THADA: variants seen among roughly 807,000 people sequenced by gnomAD.
THADA encodes THADA armadillo repeat containing, also known as tRNA (32-2'-O)-methyltransferase regulator THADA.
In THADA, 213 loss-of-function variants were observed where a neutral mutation model predicts 219.8. The ratio of observed to expected loss-of-function variants is 0.97; its 90% CI spans 0.87 to 1.09. The LOEUF (loss-of-function observed/expected upper bound fraction) is 1.09. Ranked by LOEUF, THADA falls within the 50% of genes least tolerant of loss-of-function variation. The probability of loss-of-function intolerance (pLI) is 0.00; values close to 1 mark genes in which losing one functional copy is unlikely to be tolerated. For missense variants in THADA, 2,956 were observed against 2,311.3 expected, an observed-to-expected ratio of 1.28 and a Z score of -5.72; for synonymous variants, 1,018 against 828.9, an observed-to-expected ratio of 1.23 and a Z score of -3.92.
chr2:43,264,127 C>T (rs1435836577), intron 36 of THADA, among the ~76,000 whole-genome samples: 1 of 151,990 alleles, frequency 6.6e-6, no homozygotes, highest in Non-Finnish European at 1.5e-5. Flanking sequence ...GGCACCTTGC[C>T]TATTGGGGAC....
At chr2:43,331,092 A>G (rs767759294) in intron 30 of THADA, among the ~76,000 whole-genome samples, 8 of 152,176 alleles carry the variant, frequency 5.3e-5, no homozygotes, top group Non-Finnish European at 1.0e-4. Context: ...CCCCCACCCC[A>G]GTTTAGACCA....
At chr2:43,264,848 C>T (rs929595111) in intron 36 of THADA, among the ~76,000 whole-genome samples, 4 of 152,172 alleles carry the variant, frequency 2.6e-5, no homozygotes, top group African/African-American at 7.2e-5. Context: ...TCTACAGTAC[C>T]GTGAACATGA....
At chr2:43,413,729 T>A (rs967725781) in intron 28 of THADA, among the ~76,000 whole-genome samples, 3 of 152,208 alleles carry the variant, frequency 2.0e-5, no homozygotes, top group Non-Finnish European at 4.4e-5. Context: ...TATGTTTGTA[T>A]GATGGTGACA....
rs549958601 is a variant in THADA at position 43,336,132 on chromosome 2, C to T, written c.4343+7990G>A. On this transcript the variant is annotated intron_variant, in intron 30 of 37. Coordinates refer to ENST00000405975, the MANE Select transcript of THADA (RefSeq NM_022065.5). ...AAAGTTAGCCAGGTCCAGTGGCACACACCTATAGTCTCAGTTACTTGGGAG... is the reference window on the plus strand; with the variant it reads ...AAAGTTAGCCAGGTCCAGTGGCACATACCTATAGTCTCAGTTACTTGGGAG... 1.6e-3 allele frequency among the ~76,000 whole-genome samples: 242 copies of T among 151,950 alleles called. 1 individual carries two copies. Among genetic ancestry groups the T allele is most frequent in the African/African-American group, 5.6e-3 (231 of 41,460 alleles).
intron 31 of THADA, among the ~76,000 whole-genome samples, chr2:43,301,936 A>G (rs1558547177): frequency 6.6e-6 from 1 of 152,186 alleles, no homozygotes; most frequent in South Asian, 2.1e-4. Flanking sequence ...TTTCATTTCT[A>G]TGAGTGCCCT....
At chr2:43,412,410 A>G (rs1676417002) in intron 28 of THADA, among the ~76,000 whole-genome samples, 1 of 152,206 alleles carries the variant, frequency 6.6e-6, no homozygotes, top group Admixed American at 6.5e-5. Context: ...AATAAATATA[A>G]TATTTCAAAA....
At chr2:43,341,647 C>T (rs977901582) in intron 30 of THADA, among the ~76,000 whole-genome samples, 1 of 152,182 alleles carries the variant, frequency 6.6e-6, no homozygotes, top group African/African-American at 2.4e-5. Flanking sequence ...GGCAGAAACT[C>T]CTTCCTTACA....
intron 22 of THADA, among the ~76,000 whole-genome samples, chr2:43,522,380 A>G (rs1339999587): frequency 2.0e-5 from 3 of 152,210 alleles, no homozygotes; most frequent in African/African-American, 4.8e-5. Flanking sequence ...CTGCAGGCAC[A>G]GGCAATAATA....
chr2:43,344,109 G>A lies in THADA; in HGVS notation c.4343+13C>T, dbSNP rs781247539. ...CCCTGATAACTCCTTGCTCATGTGG[G>A]ATTTTAACATACCTCTTGGCCAGCC... On this transcript the variant is annotated intron_variant, in intron 30 of 37. Coordinates refer to ENST00000405975, the MANE Select transcript of THADA (RefSeq NM_022065.5). The A allele has an allele frequency of 5.1e-6, 8 of 1,580,566 alleles. 1 individual carries two copies. In the South Asian group the frequency reaches 9.1e-5, roughly 18 times the overall value.
At chr2:43,443,464 G>C (rs1246222720) in intron 26 of THADA, among the ~76,000 whole-genome samples, 2 of 152,126 alleles carry the variant, frequency 1.3e-5, no homozygotes, top group Admixed American at 6.5e-5. Flanking sequence ...CTAGTTCACC[G>C]AAACAAGCAA....
At chr2:43,478,926 G>C (rs1685855091) in intron 26 of THADA, among the ~76,000 whole-genome samples, 1 of 152,072 alleles carries the variant, frequency 6.6e-6, no homozygotes, top group Non-Finnish European at 1.5e-5. Context: ...ACTTAATTCT[G>C]ACTTTAGGAA....
intron 36 of THADA, among the ~76,000 whole-genome samples, chr2:43,241,124 C>T (rs889580679): frequency 4.6e-5 from 7 of 152,136 alleles, no homozygotes; most frequent in African/African-American, 1.7e-4. Context: ...CAGGGTCTCA[C>T]TCTGTCGCCC....
chr2:43,437,432 G>A (rs193127950), intron 26 of THADA, among the ~76,000 whole-genome samples: 1 of 152,330 alleles, frequency 6.6e-6, no homozygotes, highest in Admixed American at 6.5e-5. Context: ...GATCTGAGAT[G>A]CTGGGTGGCA....
At chr2:43,370,853 T>TTA (rs1558653306) in intron 29 of THADA, among the ~76,000 whole-genome samples, 2 of 152,230 alleles carry the variant, frequency 1.3e-5, no homozygotes, top group Non-Finnish European at 2.9e-5. Context: ...GCAAGGCTAT[T>TTA]TATAAACTCT....
intron 26 of THADA, among the ~76,000 whole-genome samples, chr2:43,461,232 C>T (rs940891797): frequency 8.5e-5 from 13 of 152,096 alleles, no homozygotes; most frequent in African/African-American, 2.7e-4. Context: ...CTACACTGCC[C>T]ACACAAAATA....
At chr2:43,257,881 C>T (rs1670504918) in intron 36 of THADA, among the ~76,000 whole-genome samples, 1 of 152,030 alleles carries the variant, frequency 6.6e-6, no homozygotes, top group Admixed American at 6.6e-5. Flanking sequence ...AAGTCACAGA[C>T]TAAAAGAGAA....
At chr2:43,363,127 A>C (rs1022771858) in intron 29 of THADA, among the ~76,000 whole-genome samples, 6 of 152,246 alleles carry the variant, frequency 3.9e-5, no homozygotes, top group African/African-American at 1.4e-4. Context: ...TGCCTAAATC[A>C]GGAATATACT....
chr2:43,541,379 C>T lies in THADA; in HGVS notation c.3107-63G>A. The T allele has an allele frequency of 1.9e-6, 3 of 1,574,666 alleles. No homozygotes were observed. In the South Asian group the frequency reaches 3.4e-5, roughly 18 times the overall value. ...TACTCATATCCCAGGTTTCTAAAAACAAGCTTATTCATAATTTCCCCAAGA... is the reference window on the plus strand; with the variant it reads ...TACTCATATCCCAGGTTTCTAAAAATAAGCTTATTCATAATTTCCCCAAGA... On this transcript the variant is annotated intron_variant, in intron 20 of 37. Coordinates refer to ENST00000405975, the MANE Select transcript of THADA (RefSeq NM_022065.5).
chr2:43,564,151 C>T (rs1184170534), intron 15 of THADA: 2 of 152,198 alleles, frequency 1.3e-5, no homozygotes, highest in African/African-American at 4.8e-5. Flanking sequence ...TAATCAATCA[C>T]TCTAAGGTAA....
Sources: gnomAD v4.1 joint callset for allele counts (sites outside exome capture counted in the v4.1 genomes callset) on GRCh38, gnomAD v4.1.1 for gene constraint, MANE v1.5 for transcripts, NCBI Gene and HGNC (gene_info 2026-07-23, HGNC 2026-07-21) for gene names.